The following RANBP2 variants were observed in gnomAD, a reference collection of about 807,000 sequenced individuals.
RANBP2 encodes the protein E3 SUMO-protein ligase RanBP2.
Under a neutral mutation model 303.6 loss-of-function variants are expected in RANBP2, and 57 were observed. That is an observed-to-expected ratio of 0.19 (90% CI 0.15 to 0.23). The LOEUF (loss-of-function observed/expected upper bound fraction) is 0.23, where lower values mean the gene tolerates loss of function less well. RANBP2 is among the 10% of genes least tolerant of loss of function. RANBP2 has a pLI of 1.00. For missense variants in RANBP2, 3,138 were observed against 3,780.8 expected (o/e 0.83, Z 4.46); for synonymous variants, 1,167 against 1,301.5 (o/e 0.90, Z 2.23).
chr2:109,614,060 C>A, the RANBP2 span: 6 of 1,212,370 alleles, frequency 4.9e-6, no homozygotes, highest in Admixed American at 2.2e-4. Context: ...CCAAGCGAGC[C>A]CCTCACAGGA....
At chr2:109,567,528 G>C in the RANBP2 span, among the ~76,000 whole-genome samples, 1 of 152,120 alleles carries the variant, frequency 6.6e-6, no homozygotes, top group Non-Finnish European at 1.5e-5. Flanking sequence ...ATCTTTCTAA[G>C]GCAATTACAT....
chr2:109,370,245 CT>C, the RANBP2 span, among the ~76,000 whole-genome samples: 105 of 142,602 alleles, frequency 7.4e-4, no homozygotes, highest in South Asian at 6.7e-4. Flanking sequence ...CTCTCTTTTT[CT>C]TTTTTTTTTT....
At chr2:109,255,372 G>A in the RANBP2 span, among the ~76,000 whole-genome samples, 9 of 152,226 alleles carry the variant, frequency 5.9e-5, no homozygotes, top group African/African-American at 2.2e-4. Context: ...TGCTTTATTC[G>A]GTTAACTTTA....
the RANBP2 span, among the ~76,000 whole-genome samples, chr2:109,522,534 T>C: frequency 6.6e-6 from 1 of 151,942 alleles, no homozygotes; most frequent in East Asian, 1.9e-4. Context: ...TGACCTCAGG[T>C]GATCCACCTG....
At chr2:108,755,380 G>A (rs1676225587) in intron 17 of RANBP2, 121 bp downstream of exon 17, 1 of 1,462,884 alleles carries the variant, frequency 6.8e-7, no homozygotes. Context: ...GTATGGCAAG[G>A]GGACATTTTG....
chr2:109,320,284 C>T, the RANBP2 span, among the ~76,000 whole-genome samples: 32 of 152,300 alleles, frequency 2.1e-4, 1 homozygote, highest in East Asian at 6.2e-3. Flanking sequence ...AGGTTTCCTT[C>T]CTGTTCTCTG....
the RANBP2 span, among the ~76,000 whole-genome samples, chr2:109,200,207 C>T: frequency 6.6e-6 from 1 of 152,086 alleles, no homozygotes; most frequent in African/African-American, 2.4e-5. Context: ...AACTCCAGAA[C>T]ACCCCATCTG....
the RANBP2 span, among the ~76,000 whole-genome samples, chr2:109,327,439 T>C: frequency 6.6e-6 from 1 of 152,242 alleles, no homozygotes; most frequent in Non-Finnish European, 1.5e-5. Context: ...AGCTTTGATA[T>C]TTTAGCAGGG....
chr2:109,538,404 T>C, the RANBP2 span, among the ~76,000 whole-genome samples: 3 of 152,352 alleles, frequency 2.0e-5, no homozygotes, highest in South Asian at 6.2e-4. Flanking sequence ...TGGATGTCTC[T>C]CAGGGCCATT....
the RANBP2 span, among the ~76,000 whole-genome samples, chr2:109,578,441 G>T: frequency 6.6e-6 from 1 of 152,176 alleles, no homozygotes; most frequent in Admixed American, 6.5e-5. Flanking sequence ...CAATGCTTCA[G>T]GATAAAATAA....
chr2:109,421,415 A>G, the RANBP2 span, among the ~76,000 whole-genome samples: 1 of 152,240 alleles, frequency 6.6e-6, no homozygotes, highest in Non-Finnish European at 1.5e-5. Context: ...AGGCGAGCTC[A>G]AGGCTTAGCC....
chr2:108,741,587 G>C (rs1295070004), intron 7 of RANBP2, among the ~76,000 whole-genome samples: 1 of 117,538 alleles, frequency 8.5e-6, no homozygotes, highest in Non-Finnish European at 1.7e-5. Flanking sequence ...CTCCCTGCAA[G>C]CTCCACCTCC....
At chr2:108,979,034 C>T in the RANBP2 span, among the ~76,000 whole-genome samples, 2 of 152,314 alleles carry the variant, frequency 1.3e-5, no homozygotes, top group African/African-American at 2.4e-5. Context: ...TAGGCATCTA[C>T]TCAGTAAGCA....
At chr2:109,133,741 T>G in the RANBP2 span, among the ~76,000 whole-genome samples, 1 of 120,632 alleles carries the variant, frequency 8.3e-6, no homozygotes, top group Non-Finnish European at 1.8e-5. Flanking sequence ...TTTTTTTTTT[T>G]GCACTCAAAC....
chr2:109,704,733 C>T, the RANBP2 span, among the ~76,000 whole-genome samples: 3 of 151,882 alleles, frequency 2.0e-5, no homozygotes, highest in Non-Finnish European at 2.9e-5. Context: ...CACCTGTAAT[C>T]CCAGCTACTC....
chr2:109,539,539 G>A, the RANBP2 span, among the ~76,000 whole-genome samples: 2 of 151,994 alleles, frequency 1.3e-5, no homozygotes, highest in African/African-American at 4.8e-5. Flanking sequence ...TGCCTCCCAG[G>A]TTCAAGCAAT....
chr2:109,280,053 G>A, the RANBP2 span, among the ~76,000 whole-genome samples: 1 of 152,140 alleles, frequency 6.6e-6, no homozygotes, highest in African/African-American at 2.4e-5. Flanking sequence ...ATGCCAGCCA[G>A]GCTCCCCTCC....
At chr2:109,274,003 A>G in the RANBP2 span, among the ~76,000 whole-genome samples, 1 of 152,202 alleles carries the variant, frequency 6.6e-6, no homozygotes, top group African/African-American at 2.4e-5. Flanking sequence ...TACTTACCAT[A>G]GTTCTGGGCT....
At chr2:108,886,751 T>C in the RANBP2 span, among the ~76,000 whole-genome samples, 108,600 of 152,016 alleles carry the variant, frequency 0.71, 41,838 homozygotes, top group East Asian at 0.9. Flanking sequence ...AAAAAAAATT[T>C]AACTGTGGAG....
Sources: allele counts gnomAD v4.1 joint callset (sites outside exome capture counted in the v4.1 genomes callset), GRCh38; gene constraint gnomAD v4.1.1; transcripts MANE v1.5; gene names NCBI Gene and HGNC (gene_info 2026-07-23, HGNC 2026-07-21).